Variants in FAT1 observed in about 807,000 individuals in gnomAD.
The protein encoded by FAT1 is protocadherin Fat 1.
FAT1 carries 171 observed loss-of-function variants against 329.8 expected under a neutral mutation model. That is an observed-to-expected ratio of 0.52 (90% CI 0.46 to 0.59). The LOEUF (loss-of-function observed/expected upper bound fraction) is 0.59. Ranked by LOEUF, FAT1 falls within the 20% of genes least tolerant of loss-of-function variation. The pLI is 0.00. For missense variants in FAT1, 5,672 were observed against 5,774.4 expected (o/e 0.98, Z 0.57); for synonymous variants, 2,233 against 2,228.6 (o/e 1.00, Z -0.06).
intron 6 of FAT1, 112 bp downstream of exon 6, chr4:186,635,913 C>A (rs955286606): frequency 3.4e-6 from 3 of 885,136 alleles, no homozygotes; most frequent in African/African-American, 1.7e-5. Context: ...CTCCACCTGT[C>A]GATCTTATTC....
intron 7 of FAT1, among the ~76,000 whole-genome samples, 161 bp downstream of exon 7, chr4:186,633,523 T>G (rs1740686150): frequency 6.6e-6 from 1 of 152,192 alleles, no homozygotes; most frequent in Non-Finnish European, 1.5e-5. Context: ...ATGGAATTAA[T>G]TTTCTTTCCC....
chr4:186,677,165 C>T (rs577849412), intron 2 of FAT1, among the ~76,000 whole-genome samples: 1 of 152,246 alleles, frequency 6.6e-6, no homozygotes, highest in South Asian at 2.1e-4. Context: ...TTAAAAATTG[C>T]AAACTGAAGA....
chr4:186,648,071 C>T (rs1057365687), intron 3 of FAT1, among the ~76,000 whole-genome samples: 1 of 152,060 alleles, frequency 6.6e-6, no homozygotes, highest in African/African-American at 2.4e-5. Flanking sequence ...TATGTGTGTA[C>T]GGATGTAATG....
chr4:186,717,643 T>C (rs1381313637), intron 1 of FAT1, among the ~76,000 whole-genome samples: 1 of 152,190 alleles, frequency 6.6e-6, no homozygotes, highest in Non-Finnish European at 1.5e-5. Flanking sequence ...AGATGTCCTA[T>C]TTTTCAAACA....
chr4:186,665,266 C>T (rs1742377146), intron 2 of FAT1, among the ~76,000 whole-genome samples: 2 of 152,168 alleles, frequency 1.3e-5, no homozygotes, highest in African/African-American at 2.4e-5. Flanking sequence ...TGAGGAATCG[C>T]CACACTGTCT....
At chr4:186,679,348 C>T (rs914419989) in intron 2 of FAT1, among the ~76,000 whole-genome samples, 8 of 136,452 alleles carry the variant, frequency 5.9e-5, no homozygotes, top group East Asian at 4.7e-4. Flanking sequence ...ACCTGGGAGG[C>T]GGAGCTTGCA....
chr4:186,702,269 C>G (rs1482064131), intron 2 of FAT1, among the ~76,000 whole-genome samples: 2 of 152,206 alleles, frequency 1.3e-5, no homozygotes, highest in Non-Finnish European at 2.9e-5. Flanking sequence ...TTAATTCATT[C>G]CCAGTCTTTT....
At position 186,611,403 on chromosome 4, in the gene FAT1, C is replaced by T. The variant is rs2126466361; in HGVS notation, c.9836G>A (p.Ser3279Asn). ...TAGGTTACCTGTTTTAGAATCTATG[C>T]TGAATTTCCCATGTTCATTTCCACT... ...IISGNEHGKF[S>N]IDSKTGAVFI... is the part of the protein sequence containing the mutation. The change falls in exon 14 of 27, where the codon AGC (serine) becomes AAC (asparagine). Residue 3279 changes from serine (S) to asparagine (N), a missense_variant. Coordinates refer to ENST00000441802, the MANE Select transcript of FAT1 (RefSeq NM_005245.4). The T allele has an allele frequency of 6.2e-7, 1 of 1,611,486 alleles. No homozygotes were observed.
chr4:186,715,619 A>G (rs115145795), intron 1 of FAT1, among the ~76,000 whole-genome samples: 1,804 of 152,290 alleles, frequency 0.012, 39 homozygotes, highest in African/African-American at 0.042. Context: ...ACACCATTTC[A>G]TCTAAAAAGG....
intron 2 of FAT1, among the ~76,000 whole-genome samples, chr4:186,673,413 A>G (rs1253512092): frequency 6.6e-6 from 1 of 152,242 alleles, no homozygotes; most frequent in African/African-American, 2.4e-5. Context: ...TTGAGTAGAT[A>G]TATGACAATG....
At chr4:186,622,438 G>C (rs763128779) in intron 9 of FAT1, among the ~76,000 whole-genome samples, 1 of 152,118 alleles carries the variant, frequency 6.6e-6, no homozygotes, top group Non-Finnish European at 1.5e-5. Flanking sequence ...ACTACTTGTC[G>C]GAAGAGGGTG....
upstream of FAT1, among the ~76,000 whole-genome samples, chr4:186,725,631 A>T (rs933966891): frequency 1.3e-5 from 2 of 151,998 alleles, no homozygotes; most frequent in Non-Finnish European, 2.9e-5. The surrounding 1 kb of genome is among the most constrained non-coding windows in gnomAD (Gnocchi z 5.4). Context: ...GATTCTACTG[A>T]TCCTTAAGCG....
chr4:186,619,716 C>G lies in FAT1; in HGVS notation c.6870G>C (p.Val2290=), dbSNP rs2126508445. 6.2e-7 allele frequency: 1 copy of G among 1,613,982 alleles called. No individual in the cohort carries two copies. Among genetic ancestry groups the G allele is most frequent in the Admixed American group, 1.7e-5 (1 of 60,024 alleles). The change falls in exon 10 of 27, where the codon GTG becomes GTC. Residue 2290 remains valine (V), a synonymous_variant. Transcript: ENST00000441802. Reference sequence around the variant, plus strand: ...CAATTACAGATGCCTCAGACAGGGTCACCGCATAAGACTGCTGAGCAAACA... The same window carrying G: ...CAATTACAGATGCCTCAGACAGGGTGACCGCATAAGACTGCTGAGCAAACA... ...PPVFAQQSYA[V]TLSEASVIGT... is the part of the protein sequence containing the mutation.
Position 186,604,461 on chromosome 4 carries a change from A to C in FAT1, c.10464T>G (p.Ala3488=). The C allele has an allele frequency of 6.2e-7, 1 of 1,613,940 alleles. No individual in the cohort carries two copies. The highest frequency in any genetic ancestry group is 8.5e-7 in the Non-Finnish European group (1 of 1,179,854). ...GGACTCCTTGCGGGTTAACTTCAAAAGCCTTCTCATCATTTCCAGTTACAA... is the reference window on the plus strand; with the variant it reads ...GGACTCCTTGCGGGTTAACTTCAAACGCCTTCTCATCATTTCCAGTTACAA... ...FTIVTGNDEK[A]FEVNPQGVLL... is the part of the protein sequence containing the mutation. Residue 3488 remains alanine (A), a synonymous_variant, in exon 18 of 27, where the codon GCT becomes GCG. Coordinates refer to ENST00000441802, the MANE Select transcript of FAT1 (RefSeq NM_005245.4).
At chr4:186,688,659 C>T (rs1167803010) in intron 2 of FAT1, among the ~76,000 whole-genome samples, 2 of 132,310 alleles carry the variant, frequency 1.5e-5, no homozygotes, top group Admixed American at 1.5e-4. Flanking sequence ...CCCCGCCCCC[C>T]CCCAAAAAAA....
intron 3 of FAT1, among the ~76,000 whole-genome samples, chr4:186,640,569 G>C (rs1226752726): frequency 6.6e-6 from 1 of 152,022 alleles, no homozygotes; most frequent in Non-Finnish European, 1.5e-5. Flanking sequence ...CATAAATAAA[G>C]AACTGTTATA....
chr4:186,609,081 G>T, intron 16 of FAT1, 102 bp downstream of exon 16: 1 of 1,343,548 alleles, frequency 7.4e-7, no homozygotes, highest in Non-Finnish European at 1.0e-6. Flanking sequence ...TCTTGAGGCG[G>T]TCAGTCCTGC....
intron 7 of FAT1, among the ~76,000 whole-genome samples, chr4:186,631,891 C>T (rs927993691): frequency 4.0e-5 from 6 of 151,232 alleles, no homozygotes; most frequent in Admixed American, 1.3e-4. Context: ...ACCCCCCTCC[C>T]GCCCCCACCC....
chr4:186,618,386 G>A lies in FAT1; in HGVS notation c.8200C>T (p.Leu2734Phe), dbSNP rs1180632132. 2 of 1,613,910 alleles carry A rather than the reference G, an allele frequency of 1.2e-6. No homozygotes were observed. Among genetic ancestry groups the A allele is most frequent in the South Asian group, 2.2e-5 (2 of 91,084 alleles). The stretch of plus-strand genomic sequence containing the variant: ...GTATTCCCTTTGACCAGGCTGTAAA[G>A]AACAGTCCCACTATGTTCTGCTCGG... ...LIRAEHSGTVLYSLVKGNTPE... is the reference protein window; with the variant it reads ...LIRAEHSGTVFYSLVKGNTPE... Residue 2734 changes from leucine to phenylalanine, a missense_variant, in exon 10 of 27, where the codon CTT becomes TTT. Physicochemically the swap from Leu to Phe is conservative, Grantham distance 22 (BLOSUM62 0). Coordinates refer to ENST00000441802, the MANE Select transcript of FAT1 (RefSeq NM_005245.4).
Sources: allele counts gnomAD v4.1 joint callset (sites outside exome capture counted in the v4.1 genomes callset), GRCh38; gene constraint gnomAD v4.1.1; non-coding constraint Gnocchi (gnomAD v3.1); transcripts MANE v1.5; gene names NCBI Gene and HGNC (gene_info 2026-07-23, HGNC 2026-07-21).